Variants in CLCN5 observed in about 807,000 individuals in gnomAD.
CLCN5 encodes Cl-/H+ antiporter 5, also known as H(+)/Cl(-) exchange transporter 5.
Under a neutral mutation model 54.0 loss-of-function variants are expected in CLCN5, and 17 were observed. The ratio of observed to expected loss-of-function variants is 0.31; its 90% confidence interval spans 0.22 to 0.47. The LOEUF is 0.47. Ranked by LOEUF, CLCN5 falls within the 20% of genes least tolerant of loss-of-function variation. The pLI is 1.00. For synonymous variants in CLCN5, 222 were observed against 233.0 expected (o/e 0.95, Z 0.43); for missense variants, 448 against 646.7 (o/e 0.69, Z 3.33).
At chrX:49,929,067 T>C (rs1397444005) in intron 3 of CLCN5, among the ~76,000 whole-genome samples, 2 of 111,851 alleles carry the variant, frequency 1.8e-5, no homozygotes, top group Non-Finnish European at 3.8e-5. Context: ...CGTGGGCTCA[T>C]GGAAGAGGCA....
chrX:50,007,397 TTCTCTCTCTCTCTCTCTCTC>T (rs781888075), intron 3 of CLCN5, among the ~76,000 whole-genome samples: 3 of 64,414 alleles, frequency 4.7e-5, no homozygotes, highest in Admixed American at 1.8e-4. Flanking sequence ...CTCTCTCTCT[TTCTCTCTCTCTCTCTCTCTC>T]TCTCTCTCTC....
intron 4 of CLCN5, among the ~76,000 whole-genome samples, chrX:50,043,680 T>C (rs1462209327): frequency 8.9e-6 from 1 of 111,802 alleles, no homozygotes; most frequent in African/African-American, 3.2e-5. Flanking sequence ...TATTACTCTT[T>C]TGTCTGATGT....
At chrX:49,940,517 A>G (rs1159019771) in intron 3 of CLCN5, among the ~76,000 whole-genome samples, 5 of 112,263 alleles carry the variant, frequency 4.5e-5, no homozygotes, top group Non-Finnish European at 9.4e-5. Context: ...GGTTATGGTT[A>G]TTAGTGCACA....
intron 3 of CLCN5, among the ~76,000 whole-genome samples, chrX:50,027,346 A>G (rs1454521814): frequency 2.7e-5 from 3 of 111,599 alleles, no homozygotes; most frequent in African/African-American, 6.5e-5. Context: ...TCCTTCTGGT[A>G]TTCCAGTTAT....
intron 3 of CLCN5, among the ~76,000 whole-genome samples, chrX:50,009,517 A>G (rs1930379725): frequency 9.0e-6 from 1 of 111,641 alleles, no homozygotes; most frequent in African/African-American, 3.3e-5. Context: ...GATGCCACTC[A>G]TATCTTTCAT....
At chrX:50,049,111 T>C (rs1463320991) in intron 4 of CLCN5, among the ~76,000 whole-genome samples, 1 of 111,571 alleles carries the variant, frequency 9.0e-6, no homozygotes, top group African/African-American at 3.3e-5. Context: ...GTTACTTAAC[T>C]GTTTACTTCT....
At chrX:50,080,945 C>T (rs1236559971) in intron 8 of CLCN5, among the ~76,000 whole-genome samples, 1 of 111,156 alleles carries the variant, frequency 9.0e-6, no homozygotes, top group African/African-American at 3.3e-5. Flanking sequence ...GAGCCAGGCT[C>T]TGGAAAACTT....
intron 3 of CLCN5, among the ~76,000 whole-genome samples, chrX:49,971,316 A>G (rs1478274409): frequency 9.5e-6 from 1 of 104,783 alleles, no homozygotes; most frequent in Non-Finnish European, 1.9e-5. Flanking sequence ...CATGTTATAT[A>G]TATTTAGAAA....
intron 3 of CLCN5, among the ~76,000 whole-genome samples, chrX:50,039,518 T>C (rs1267087149): frequency 1.8e-5 from 2 of 111,324 alleles, no homozygotes; most frequent in African/African-American, 6.5e-5. Flanking sequence ...CCTGATCTTA[T>C]ACATGTTGTG....
At chrX:50,061,843 G>A (rs1218003767) in intron 4 of CLCN5, among the ~76,000 whole-genome samples, 10 of 40,929 alleles carry the variant, frequency 2.4e-4, no homozygotes, top group Non-Finnish European at 4.1e-4. Context: ...AGAGAGTGGG[G>A]GCCAATATTC....
At chrX:50,050,531 T>C (rs1481179314) in intron 4 of CLCN5, 4 of 111,563 alleles carry the variant, frequency 3.6e-5, no homozygotes, top group African/African-American at 1.3e-4. Context: ...TTCAGGTTTT[T>C]TGCCCATTTT....
intron 4 of CLCN5, among the ~76,000 whole-genome samples, chrX:50,066,090 C>G (rs1216961385): frequency 5.9e-5 from 6 of 101,859 alleles, no homozygotes; most frequent in African/African-American, 2.2e-4. Flanking sequence ...TGCAGCGCAC[C>G]AGCATGGCAC....
intron 4 of CLCN5, among the ~76,000 whole-genome samples, chrX:50,053,901 A>G (rs183466286): frequency 6.4e-5 from 7 of 109,942 alleles, no homozygotes; most frequent in Admixed American, 4.0e-4. Flanking sequence ...CTTGGGCTGT[A>G]TTTCATGTTT....
chrX:50,002,976 AAAAG>A (rs1330434246), intron 3 of CLCN5, among the ~76,000 whole-genome samples: 2 of 111,905 alleles, frequency 1.8e-5, no homozygotes, highest in African/African-American at 3.3e-5. Flanking sequence ...AAAATAAAGG[AAAAG>A]AAAGAAGGAA....
At chrX:50,035,230 T>C (rs2147464531) in intron 3 of CLCN5, among the ~76,000 whole-genome samples, 1 of 111,877 alleles carries the variant, frequency 8.9e-6, no homozygotes, top group Admixed American at 9.6e-5. Context: ...TGTGAAGGTT[T>C]TCTTCCCAAC....
intron 3 of CLCN5, among the ~76,000 whole-genome samples, chrX:49,926,717 A>C (rs1557168067): frequency 8.9e-6 from 1 of 112,035 alleles, no homozygotes; most frequent in Admixed American, 9.5e-5. Context: ...TCTAGGAAGG[A>C]TTTTACACTT....
At chrX:50,052,429 C>A (rs1028288408) in intron 4 of CLCN5, among the ~76,000 whole-genome samples, 2 of 111,559 alleles carry the variant, frequency 1.8e-5, no homozygotes, top group African/African-American at 6.5e-5. Flanking sequence ...TATGCAATGT[C>A]GAATTCAATT....
At chrX:49,969,701 A>T (rs1928104749) in intron 3 of CLCN5, among the ~76,000 whole-genome samples, 1 of 112,195 alleles carries the variant, frequency 8.9e-6, no homozygotes, top group South Asian at 3.7e-4. Context: ...ATATCTTAGT[A>T]AACTGTTCTG....
intron 3 of CLCN5, among the ~76,000 whole-genome samples, chrX:49,980,787 T>C (rs1387112082): frequency 1.8e-5 from 2 of 111,727 alleles, no homozygotes; most frequent in East Asian, 5.5e-4. Context: ...TTTTCATTGC[T>C]GATAAGGCTG....
Sources: allele counts gnomAD v4.1 joint callset (sites outside exome capture counted in the v4.1 genomes callset), GRCh38; gene constraint gnomAD v4.1.1; transcripts MANE v1.5; gene names NCBI Gene and HGNC (gene_info 2026-07-23, HGNC 2026-07-21).